The following SMG5 variants were observed in gnomAD, a reference collection of about 807,000 sequenced individuals.
The protein encoded by SMG5 is SMG5 nonsense mediated mRNA decay factor, also known as nonsense-mediated mRNA decay factor SMG5.
Under a neutral mutation model 122.9 loss-of-function variants are expected in SMG5, and 53 were observed. That is an observed-to-expected ratio of 0.43 (90% CI 0.35 to 0.54). The LOEUF is 0.54. SMG5 is among the 20% of genes least tolerant of loss of function. SMG5 has a pLI of 0.01. For synonymous variants in SMG5, 477 were observed against 490.2 expected (o/e 0.97, Z 0.35); for missense variants, 1,153 against 1,285.6 (o/e 0.90, Z 1.58).
At chr1:156,279,158 A>G in intron 1 of SMG5, 124 bp from the exon 2 acceptor site, 1 of 802,500 alleles carries the variant, frequency 1.2e-6, no homozygotes, top group South Asian at 1.5e-5. Context: ...AGAAGGCTGC[A>G]GGCTGAGCTC....
intron 6 of SMG5, among the ~76,000 whole-genome samples, 180 bp from the exon 7 acceptor site, chr1:156,272,578 CTTT>C (rs35318466): frequency 2.0e-5 from 3 of 146,490 alleles, no homozygotes; most frequent in Middle Eastern, 7.0e-3. Flanking sequence ...CTGACCTCTT[CTTT>C]TTTTTTTTGG....
the SMG5 span, chr1:156,291,056 C>G: frequency 3.3e-6 from 1 of 303,418 alleles, no homozygotes; most frequent in Non-Finnish European, 6.3e-6. Context: ...GAGAGAATCA[C>G]TCAAGGCCAG....
intron 3 of SMG5, 108 bp from the exon 4 acceptor site, chr1:156,277,349 ACT>A (rs1662729808): frequency 2.5e-6 from 3 of 1,216,808 alleles, no homozygotes; most frequent in Non-Finnish European, 3.4e-6. Flanking sequence ...ATCTACATCT[ACT>A]CTCACTCACA....
chr1:156,273,074 A>T (rs1452029633), intron 6 of SMG5, among the ~76,000 whole-genome samples: 1 of 151,970 alleles, frequency 6.6e-6, no homozygotes, highest in Non-Finnish European at 1.5e-5. Flanking sequence ...GCTTTATCTC[A>T]TTGTGCTTCT....
At chr1:156,269,007 A>G (rs534202347) in intron 7 of SMG5, among the ~76,000 whole-genome samples, 2 of 150,412 alleles carry the variant, frequency 1.3e-5, no homozygotes, top group African/African-American at 2.5e-5. Flanking sequence ...GTCTCACTCT[A>G]TCACCCTGGC....
chr1:156,257,825 G>A (rs1661651474), intron 16 of SMG5, among the ~76,000 whole-genome samples: 1 of 152,088 alleles, frequency 6.6e-6, no homozygotes, highest in Admixed American at 6.6e-5. Context: ...GTGGAGGAGG[G>A]GATTGGCTTG....
intron 19 of SMG5, 105 bp from the exon 20 acceptor site, chr1:156,251,582 C>T: frequency 1.8e-6 from 2 of 1,119,446 alleles, no homozygotes; most frequent in East Asian, 2.4e-5. Flanking sequence ...GCAGGCGGGG[C>T]TGGGGAACAT....
rs778033458 is a variant in SMG5 at position 156,253,525 on chromosome 1, G to T, written c.2443-17C>A. ...CTCCTGTGCCTATGAGGGAAAAAAT[G>T]AGCTGTAAGGAGTTGGGGTGTATTT... On this transcript the variant is annotated splice_polypyrimidine_tract_variant and intron_variant, in intron 16 of 21. Transcript: ENST00000361813. 1 of 1,613,388 alleles carries T rather than the reference G, an allele frequency of 6.2e-7. No individual in the cohort carries two copies. Among genetic ancestry groups the T allele is most frequent in the Non-Finnish European group, 8.5e-7 (1 of 1,179,480 alleles).
At chr1:156,274,522 T>C in intron 5 of SMG5, 75 bp downstream of exon 5, 1 of 1,312,132 alleles carries the variant, frequency 7.6e-7, no homozygotes, top group South Asian at 1.2e-5. Flanking sequence ...ATGTAATGGG[T>C]GTTACCAACA....
At chr1:156,263,595 A>G in intron 12 of SMG5, 25 bp from the exon 13 acceptor site, 1 of 1,606,860 alleles carries the variant, frequency 6.2e-7, no homozygotes, top group Non-Finnish European at 8.5e-7. Context: ...AATGGAAGAG[A>G]AAAAAACTGG....
chr1:156,265,988 C>T lies in SMG5; in HGVS notation c.1648G>A (p.Asp550Asn), dbSNP rs745585883. Residue 550 changes from aspartate to asparagine, a missense_variant, in exon 12 of 22, where the codon GAT becomes AAT. Around this residue, in one of 5 missense-constraint regions of SMG5, gnomAD observed 631 missense variants for 650.6 expected, o/e 0.97. Transcript: ENST00000361813. Reference sequence around the variant, plus strand: ...GGGCCCAGTGGGCCATTGAGGGAATCGGGAGCCTCTGATCTGCCCCGAGGG... The same window carrying T: ...GGGCCCAGTGGGCCATTGAGGGAATTGGGAGCCTCTGATCTGCCCCGAGGG... ...EPPRGRSEAP[D>N]SLNGPLGPSE... 3.7e-6 allele frequency: 6 copies of T among 1,614,192 alleles called. No individual in the cohort carries two copies. The highest frequency in any genetic ancestry group is 5.1e-6 in the Non-Finnish European group (6 of 1,180,028).
intron 16 of SMG5, among the ~76,000 whole-genome samples, chr1:156,256,100 A>C (rs1661565355): frequency 1.3e-5 from 2 of 152,174 alleles, no homozygotes; most frequent in Admixed American, 6.5e-5. Flanking sequence ...CCTGGACTGG[A>C]TTACAAAGAG....
upstream of SMG5, among the ~76,000 whole-genome samples, chr1:156,286,868 A>C (rs950344606): frequency 6.6e-6 from 1 of 152,238 alleles, no homozygotes; most frequent in Non-Finnish European, 1.5e-5. Context: ...TCATGCCTGT[A>C]ATCTCAGCAC....
In SMG5 at chr1:156,250,774, G is replaced by GCT. The variant is rs1357841255; in HGVS notation, c.2967+82_2967+83dup. ...GAGTGATGGAAGAGAAAAAAAGGTAGCTATGTGGAGGGTCTGGGGATGGAG... is the reference window on the plus strand; with the variant it reads ...GAGTGATGGAAGAGAAAAAAAGGTAGCTCTATGTGGAGGGTCTGGGGATGGAG... On this transcript the variant is annotated intron_variant, in intron 21 of 21. Transcript: ENST00000361813. 1.9e-6 allele frequency: 3 copies of GCT among 1,603,400 alleles called. No individual in the cohort carries two copies. The African/African-American group carries it at 4.0e-5, about 21-fold the overall frequency.
At chr1:156,267,342 G>T in intron 10 of SMG5, 128 bp downstream of exon 10, 1 of 933,390 alleles carries the variant, frequency 1.1e-6, no homozygotes, top group Non-Finnish European at 1.6e-6. Flanking sequence ...CTTGCCCACA[G>T]CCAAGCAGTG....
chr1:156,271,870 G>A (rs921416502), intron 7 of SMG5, among the ~76,000 whole-genome samples: 1 of 152,052 alleles, frequency 6.6e-6, no homozygotes, highest in African/African-American at 2.4e-5. Flanking sequence ...TAGGATTACA[G>A]GTATGAGCTA....
chr1:156,260,462 T>C lies in SMG5; in HGVS notation c.2272A>G (p.Thr758Ala). ...AATGCTATCCTTACCTCCTCTAAGG[T>C]GCTGAGCAGGGGCCGATCCGTGTCA... ...NFDTDRPLLS[T>A]LEESVVRICC... The change falls in exon 15 of 22, where the codon ACC becomes GCC. Residue 758 changes from threonine to alanine, a missense_variant. This residue lies in a region of SMG5 where 631 missense variants were observed against 650.6 expected (regional missense o/e 0.97). Coordinates refer to ENST00000361813, the MANE Select transcript of SMG5 (RefSeq NM_015327.3). 6.3e-7 allele frequency: 1 copy of C among 1,597,302 alleles called. No homozygotes were observed. The highest frequency in any genetic ancestry group is 8.5e-7 in the Non-Finnish European group (1 of 1,174,344).
At position 156,253,027 on chromosome 1, in the gene SMG5, C is replaced by G. The variant is rs773593802; in HGVS notation, c.2554G>C (p.Ala852Pro). ...TCAGGGACGAGGTAGGGAGACATGGCTGACTGGGCCTTGGGCTGCTGCAGG... is the reference window on the plus strand; with the variant it reads ...TCAGGGACGAGGTAGGGAGACATGGGTGACTGGGCCTTGGGCTGCTGCAGG... ...GSLQQPKAQS[A>P]MSPYLVPDTQ... Residue 852 changes from alanine to proline, a missense_variant, in exon 18 of 22, where the codon GCC becomes CCC. By Grantham distance (27) the Ala-to-Pro change is conservative (BLOSUM62 -1). Transcript: ENST00000361813. The G allele has an allele frequency of 5.6e-6, 9 of 1,612,770 alleles. No homozygotes were observed. Among genetic ancestry groups the G allele is most frequent in the Middle Eastern group, 1.7e-4 (1 of 6,048 alleles).
At chr1:156,278,251 A>C (rs1433265514) in intron 2 of SMG5, among the ~76,000 whole-genome samples, 1 of 152,066 alleles carries the variant, frequency 6.6e-6, no homozygotes, top group Non-Finnish European at 1.5e-5. Flanking sequence ...CGAAGCACTA[A>C]ACATTCTAAG....
Sources: gnomAD v4.1 joint callset for allele counts (sites outside exome capture counted in the v4.1 genomes callset) on GRCh38, gnomAD v4.1.1 for gene constraint, gnomAD v4.1.1 regional missense constraint, MANE v1.5 for transcripts, NCBI Gene and HGNC (gene_info 2026-07-23, HGNC 2026-07-21) for gene names.